Variants in HNRNPC observed in about 807,000 individuals in gnomAD.
HNRNPC encodes the protein heterogeneous nuclear ribonucleoproteins C1/C2.
A neutral mutation model predicts 33.2 loss-of-function variants in HNRNPC; 3 were observed. That is an observed-to-expected ratio of 0.09 (90% CI 0.04 to 0.23). HNRNPC has a LOEUF of 0.23. Among genes scored for constraint, HNRNPC ranks in the 10% least tolerant of loss-of-function variants. The pLI, the probability that HNRNPC is intolerant of heterozygous loss-of-function variation, is 1.00. For synonymous variants in HNRNPC, 121 were observed against 126.7 expected, an observed-to-expected ratio of 0.96 and a Z score of 0.30; for missense variants, 143 against 366.7, an observed-to-expected ratio of 0.39 and a Z score of 4.98.
chr14:21,227,645 C>A (rs879473786), intron 5 of HNRNPC, among the ~76,000 whole-genome samples: 1 of 152,156 alleles, frequency 6.6e-6, no homozygotes, highest in Admixed American at 6.5e-5. Context: ...TTTCTGCAAA[C>A]GTGATTTCTT....
intron 2 of HNRNPC, among the ~76,000 whole-genome samples, chr14:21,237,158 A>G (rs1379010393): frequency 2.6e-5 from 4 of 152,234 alleles, no homozygotes; most frequent in South Asian, 4.1e-4. Flanking sequence ...GTAAAGTCTC[A>G]TAAGTAAACA....
At chr14:21,261,548 A>T (rs958419163) in intron 2 of HNRNPC, among the ~76,000 whole-genome samples, 11 of 152,258 alleles carry the variant, frequency 7.2e-5, no homozygotes, top group African/African-American at 2.6e-4. Flanking sequence ...GTATGGTATA[A>T]GGGGGCAAGT....
chr14:21,243,394 G>C (rs943440811), intron 2 of HNRNPC, among the ~76,000 whole-genome samples: 3 of 152,138 alleles, frequency 2.0e-5, no homozygotes, highest in Non-Finnish European at 4.4e-5. Context: ...GCTATCCGAA[G>C]AGTGGGGCTT....
At chr14:21,218,185 G>C (rs759548206) in intron 5 of HNRNPC, among the ~76,000 whole-genome samples, 3 of 152,066 alleles carry the variant, frequency 2.0e-5, no homozygotes, top group Non-Finnish European at 4.4e-5. Flanking sequence ...CTGGTCATGA[G>C]CTCCTGGACC....
chr14:21,216,736 G>C (rs1172459077), intron 5 of HNRNPC, among the ~76,000 whole-genome samples: 2 of 152,144 alleles, frequency 1.3e-5, no homozygotes, highest in African/African-American at 2.4e-5. Context: ...AACCAAAGGA[G>C]CAGTTTTTTC....
At chr14:21,224,102 C>T (rs1893148866) in intron 5 of HNRNPC, among the ~76,000 whole-genome samples, 1 of 151,994 alleles carries the variant, frequency 6.6e-6, no homozygotes, top group Non-Finnish European at 1.5e-5. Context: ...ATAAACAAAC[C>T]CATCTCTCAG....
intron 2 of HNRNPC, among the ~76,000 whole-genome samples, chr14:21,234,545 T>TC (rs1378542217): frequency 6.6e-6 from 1 of 152,176 alleles, no homozygotes; most frequent in Non-Finnish European, 1.5e-5. Flanking sequence ...GTGGCCCTCC[T>TC]CTAAGTACTC....
intron 5 of HNRNPC, among the ~76,000 whole-genome samples, chr14:21,219,667 C>T (rs8018943): frequency 2.0e-5 from 3 of 151,994 alleles, no homozygotes; most frequent in East Asian, 3.8e-4. Context: ...TCTTCCTTAC[C>T]GCCACATTCT....
chr14:21,229,254 G>A (rs1474852292), intron 5 of HNRNPC, among the ~76,000 whole-genome samples: 4 of 151,700 alleles, frequency 2.6e-5, no homozygotes, highest in Admixed American at 2.0e-4. Flanking sequence ...GCCGGGTGTG[G>A]TGGCGGGCGC....
At chr14:21,262,795 A>C (rs977944884) in intron 2 of HNRNPC, 1 of 152,264 alleles carries the variant, frequency 6.6e-6, no homozygotes, top group Non-Finnish European at 1.5e-5. Flanking sequence ...CATCACGATC[A>C]TAAGTGTTAA....
intron 5 of HNRNPC, among the ~76,000 whole-genome samples, chr14:21,228,604 G>C (rs1411640110): frequency 6.6e-6 from 1 of 151,910 alleles, no homozygotes; most frequent in Non-Finnish European, 1.5e-5. Flanking sequence ...ATATTGCCCA[G>C]GCTGGTCTTG....
Position 21,211,924 on chromosome 14 carries a change from CTT to C in HNRNPC, c.524-3_524-2del. On this transcript the variant is annotated splice_acceptor_variant and splice_polypyrimidine_tract_variant and intron_variant, in intron 6 of 8. Coordinates refer to ENST00000553300, the MANE Select transcript of HNRNPC (RefSeq NM_004500.4). LOFTEE classifies it high-confidence loss of function. Reference sequence around the variant, plus strand: ...ATGGCCTGAAGGTCATCTCCTTTCACTTTAATATAAACAAAATACTAGATTAA... The same window carrying C: ...ATGGCCTGAAGGTCATCTCCTTTCACTAATATAAACAAAATACTAGATTAA... 6.3e-7 allele frequency: 1 copy of C among 1,586,152 alleles called. No homozygotes were observed.
intron 2 of HNRNPC, among the ~76,000 whole-genome samples, chr14:21,247,493 T>C (rs1896114990): frequency 6.6e-6 from 1 of 152,218 alleles, no homozygotes; most frequent in Non-Finnish European, 1.5e-5. Flanking sequence ...TTATTTTTTG[T>C]ACCCTGAAAA....
At chr14:21,237,877 T>G (rs1030307881) in intron 2 of HNRNPC, among the ~76,000 whole-genome samples, 1 of 152,210 alleles carries the variant, frequency 6.6e-6, no homozygotes, top group African/African-American at 2.4e-5. Context: ...TTCCAAGTGA[T>G]TCTCCTGCCT....
chr14:21,227,205 A>C (rs1267352936), intron 5 of HNRNPC, among the ~76,000 whole-genome samples: 1 of 152,018 alleles, frequency 6.6e-6, no homozygotes, highest in Non-Finnish European at 1.5e-5. Flanking sequence ...CTCCCCACTA[A>C]ACAAACACTC....
chr14:21,265,621 C>A (rs1878845558), intron 1 of HNRNPC: 1 of 152,110 alleles, frequency 6.6e-6, no homozygotes, highest in African/African-American at 2.4e-5. Flanking sequence ...GCCAGCCTGG[C>A]AACATGGCGA....
chr14:21,234,194 C>G lies in HNRNPC; in HGVS notation c.-1G>C, dbSNP rs747732483. ...TCTTGTTGGTAACGTTGCTGGCCAT[C>G]GTGTTTGATGGTAAGGTTTCTCACA... On this transcript the variant is annotated 5_prime_UTR_variant, in exon 3 of 9. Coordinates refer to ENST00000553300, the MANE Select transcript of HNRNPC (RefSeq NM_004500.4). 2.5e-6 allele frequency: 4 copies of G among 1,613,242 alleles called. No individual in the cohort carries two copies. Among genetic ancestry groups the G allele is most frequent in the Non-Finnish European group, 3.4e-6 (4 of 1,179,406 alleles).
intron 5 of HNRNPC, among the ~76,000 whole-genome samples, chr14:21,227,499 T>A (rs1893605678): frequency 6.6e-6 from 1 of 152,256 alleles, no homozygotes; most frequent in South Asian, 2.1e-4. Flanking sequence ...ACTACTAGTA[T>A]CGGCTGGTGC....
chr14:21,233,729 A>G (rs1404519837), intron 3 of HNRNPC, among the ~76,000 whole-genome samples: 1 of 152,156 alleles, frequency 6.6e-6, no homozygotes, highest in Non-Finnish European at 1.5e-5. Context: ...CCTACTCACG[A>G]TTGTAGTAGA....
Sources: gnomAD v4.1 joint callset for allele counts (sites outside exome capture counted in the v4.1 genomes callset) on GRCh38, gnomAD v4.1.1 for gene constraint, MANE v1.5 for transcripts, NCBI Gene and HGNC (gene_info 2026-07-23, HGNC 2026-07-21) for gene names.